XPR1: variants seen among roughly 807,000 people sequenced by gnomAD.
The protein encoded by XPR1 is solute carrier family 53 member 1.
XPR1 carries 28 observed loss-of-function variants against 87.5 expected under a neutral mutation model. That is an observed-to-expected ratio of 0.32 (90% CI 0.24 to 0.44). XPR1 has a LOEUF of 0.44. Among genes scored for constraint, XPR1 ranks in the 20% least tolerant of loss-of-function variants. XPR1 has a pLI of 1.00. For missense variants in XPR1, 559 were observed against 862.3 expected (o/e 0.65, Z 4.41); for synonymous variants, 300 against 306.1 (o/e 0.98, Z 0.21).
chr1:180,682,425 A>T lies in XPR1; in HGVS notation c.121+14A>T. ...CTTCTGTGGAAGGTAAGATGAATTA[A>T]CCCTTAAGTTTAGTCACAGAAAACC... On this transcript the variant is annotated intron_variant, in intron 2 of 14. Coordinates refer to ENST00000367590, the MANE Select transcript of XPR1 (RefSeq NM_004736.4). The T allele has an allele frequency of 1.3e-6, 2 of 1,593,682 alleles. No individual in the cohort carries two copies. The highest frequency in any genetic ancestry group is 1.7e-6 in the Non-Finnish European group (2 of 1,169,600).
chr1:180,693,349 G>A (rs12143462), intron 2 of XPR1, among the ~76,000 whole-genome samples: 27 of 151,978 alleles, frequency 1.8e-4, no homozygotes, highest in African/African-American at 6.5e-4. Flanking sequence ...TCAGAGAGTA[G>A]TGGTTTTCCA....
chr1:180,741,494 T>C (rs974345523), intron 2 of XPR1, among the ~76,000 whole-genome samples: 2 of 151,478 alleles, frequency 1.3e-5, no homozygotes, highest in Admixed American at 6.6e-5. Context: ...GGTTTTTTTG[T>C]TTGTTTTTTT....
chr1:180,656,589 TATATATTTTATATATGTATGTATA>T (rs1330346039), intron 1 of XPR1, among the ~76,000 whole-genome samples: 11,967 of 89,604 alleles, frequency 0.13, 1,096 homozygotes, highest in East Asian at 0.18. Flanking sequence ...GTATGTATAA[TATATATTTTATATATGTATGTATA>T]ATATATTTTA....
At chr1:180,877,837 C>G (rs1652711130) in intron 13 of XPR1, 1 of 152,108 alleles carries the variant, frequency 6.6e-6, no homozygotes. Context: ...CTTTAATGTG[C>G]TGAAAGAAAA....
intron 1 of XPR1, among the ~76,000 whole-genome samples, chr1:180,676,106 G>T (rs1656359791): frequency 6.6e-6 from 1 of 152,134 alleles, no homozygotes; most frequent in Non-Finnish European, 1.5e-5. Context: ...ATCATCTTCA[G>T]AATTTAATTT....
rs1649269644 is a variant in XPR1, at chr1:180,788,687, T to A, written c.223+833T>A. The stretch of plus-strand genomic sequence containing the variant: ...AAAAAAAAAGTAGTCTGTAATTTTA[T>A]TTAATATCCAAAATATAAAATTACT... On this transcript the variant is annotated intron_variant, in intron 3 of 14. Transcript: ENST00000367590. 2.0e-5 allele frequency among the ~76,000 whole-genome samples: 3 copies of A among 152,194 alleles called. No homozygotes were observed. In the South Asian group the frequency reaches 6.2e-4, roughly 31 times the overall value.
chr1:180,794,366 A>G (rs1201447793), intron 3 of XPR1, among the ~76,000 whole-genome samples: 1 of 152,200 alleles, frequency 6.6e-6, no homozygotes, highest in Non-Finnish European at 1.5e-5. Context: ...CGTTGACCAG[A>G]ACGTTGTTCT....
intron 7 of XPR1, among the ~76,000 whole-genome samples, chr1:180,815,862 A>C (rs527883560): frequency 1.4e-4 from 22 of 152,238 alleles, no homozygotes; most frequent in African/African-American, 5.3e-4. Context: ...TGTGTGTAAA[A>C]ATTTTAGGCA....
At chr1:180,868,658 T>C (rs200442053) in intron 12 of XPR1, among the ~76,000 whole-genome samples, 6,219 of 80,782 alleles carry the variant, frequency 0.077, no homozygotes, top group African/African-American at 0.088. Flanking sequence ...TTTTGCACAT[T>C]GATTTTGTAT....
chr1:180,638,027 C>T (rs1654844221), intron 1 of XPR1, among the ~76,000 whole-genome samples: 1 of 151,936 alleles, frequency 6.6e-6, no homozygotes, highest in African/African-American at 2.4e-5. Flanking sequence ...ACCTTTGAAA[C>T]ACTGTATCAT....
At chr1:180,788,751 C>T (rs1442821947) in intron 3 of XPR1, among the ~76,000 whole-genome samples, 1 of 152,110 alleles carries the variant, frequency 6.6e-6, no homozygotes, top group Non-Finnish European at 1.5e-5. Flanking sequence ...ACATTACATG[C>T]CTGCTATTGA....
At chr1:180,773,145 C>T (rs994802093) in intron 2 of XPR1, among the ~76,000 whole-genome samples, 1 of 152,004 alleles carries the variant, frequency 6.6e-6, no homozygotes, top group Non-Finnish European at 1.5e-5. Flanking sequence ...TCAGTAATGT[C>T]TCTGAAAAGG....
chr1:180,739,274 T>G (rs377474031), intron 2 of XPR1, among the ~76,000 whole-genome samples: 2 of 152,354 alleles, frequency 1.3e-5, no homozygotes, highest in East Asian at 3.8e-4. Context: ...GTGCCCACTT[T>G]GTCTTAATTA....
chr1:180,842,634 C>A (rs1477925198), intron 11 of XPR1, among the ~76,000 whole-genome samples: 7 of 152,196 alleles, frequency 4.6e-5, no homozygotes, highest in Admixed American at 1.3e-4. Flanking sequence ...GGAGGAGGCA[C>A]AAACGTGTTT....
At chr1:180,772,510 C>G (rs1422853461) in intron 2 of XPR1, among the ~76,000 whole-genome samples, 2 of 152,078 alleles carry the variant, frequency 1.3e-5, no homozygotes, top group East Asian at 3.9e-4. Context: ...TGTGTATGAA[C>G]TTTGTATACA....
intron 2 of XPR1, among the ~76,000 whole-genome samples, chr1:180,702,793 AT>A (rs543378429): frequency 2.0e-5 from 3 of 148,600 alleles, no homozygotes; most frequent in South Asian, 4.2e-4. Context: ...CTTTTTTGGG[AT>A]TTTTTTTCTT....
Position 180,689,932 on chromosome 1 carries a change from T to C in XPR1, c.121+7521T>C, listed in dbSNP as rs544938428. On this transcript the variant is annotated intron_variant, in intron 2 of 14. Transcript: ENST00000367590. Reference sequence around the variant, plus strand: ...GAACTTTGGGAGACCAAGGCTGGCATATTACTTGAGGTCAGGAGTTTGAGA... The same window carrying C: ...GAACTTTGGGAGACCAAGGCTGGCACATTACTTGAGGTCAGGAGTTTGAGA... Among the ~76,000 whole-genome samples the C allele has an allele frequency of 3.3e-5, 5 of 152,166 alleles. No individual in the cohort carries two copies. In the South Asian group the frequency reaches 1.0e-3, roughly 32 times the overall value.
chr1:180,742,595 A>G (rs1377072616), intron 2 of XPR1, among the ~76,000 whole-genome samples: 1 of 152,086 alleles, frequency 6.6e-6, no homozygotes, highest in Non-Finnish European at 1.5e-5. Context: ...AAGGATAAGT[A>G]TGTATATTCT....
chr1:180,799,204 A>G (rs1050501388), intron 3 of XPR1, among the ~76,000 whole-genome samples: 2 of 152,194 alleles, frequency 1.3e-5, no homozygotes, highest in African/African-American at 4.8e-5. Flanking sequence ...GAACTAACCA[A>G]CAGTCAGAGT....
Sources: allele counts gnomAD v4.1 joint callset (sites outside exome capture counted in the v4.1 genomes callset), GRCh38; gene constraint gnomAD v4.1.1; transcripts MANE v1.5; gene names NCBI Gene and HGNC (gene_info 2026-07-23, HGNC 2026-07-21).